ATRNL1: variants seen among roughly 807,000 people sequenced by gnomAD.
ATRNL1 encodes attractin-like protein 1.
Under a neutral mutation model 182.7 loss-of-function variants are expected in ATRNL1, and 95 were observed. The ratio of observed to expected loss-of-function variants is 0.52; its 90% CI spans 0.44 to 0.62. The LOEUF (loss-of-function observed/expected upper bound fraction) is 0.62, where lower values mean the gene tolerates loss of function less well. ATRNL1 is among the 20% of genes least tolerant of loss of function. ATRNL1 has a pLI of 0.00. For missense variants in ATRNL1, 1,471 were observed against 1,679.5 expected (o/e 0.88, Z 2.17); for synonymous variants, 576 against 568.3 (o/e 1.01, Z -0.19).
At chr10:115,151,367 A>G (rs1846219595) in intron 5 of ATRNL1, among the ~76,000 whole-genome samples, 1 of 152,130 alleles carries the variant, frequency 6.6e-6, no homozygotes, top group South Asian at 2.1e-4. Flanking sequence ...ATTTCTCCAC[A>G]TTCTCTCCAG....
intron 26 of ATRNL1, among the ~76,000 whole-genome samples, chr10:115,621,276 T>TATAG (rs1268020830): frequency 5.3e-3 from 251 of 47,524 alleles, no homozygotes; most frequent in African/African-American, 0.014. Flanking sequence ...TATATATATA[T>TATAG]AGAGAGAGAG....
intron 28 of ATRNL1, among the ~76,000 whole-genome samples, chr10:115,862,980 A>C (rs559165275): frequency 6.6e-6 from 1 of 152,334 alleles, no homozygotes; most frequent in South Asian, 2.1e-4. Flanking sequence ...TAAAGTAAGA[A>C]ATAGGGACTA....
intron 26 of ATRNL1, among the ~76,000 whole-genome samples, chr10:115,581,702 C>A (rs1855093612): frequency 1.3e-5 from 2 of 151,746 alleles, no homozygotes; most frequent in Admixed American, 6.6e-5. Flanking sequence ...GTCTTCCATT[C>A]TTACAAAGTT....
At chr10:115,583,457 A>G (rs28873814) in intron 26 of ATRNL1, among the ~76,000 whole-genome samples, 2 of 106,734 alleles carry the variant, frequency 1.9e-5, no homozygotes, top group African/African-American at 5.7e-5. Flanking sequence ...CCTTGAAGAG[A>G]TCCGTCACAT....
intron 26 of ATRNL1, among the ~76,000 whole-genome samples, chr10:115,558,053 A>C (rs533201644): frequency 5.7e-4 from 47 of 82,198 alleles, no homozygotes; most frequent in Non-Finnish European, 2.4e-4. Context: ...CAAAAACAAA[A>C]AAACAAAAAA....
intron 19 of ATRNL1, among the ~76,000 whole-genome samples, chr10:115,379,062 ACT>A (rs1331685347): frequency 2.0e-5 from 3 of 152,000 alleles, no homozygotes; most frequent in Middle Eastern, 3.4e-3. Flanking sequence ...TCTTTCAATA[ACT>A]TTTTTTGCAT....
At chr10:115,585,311 T>C (rs1247472970) in intron 26 of ATRNL1, among the ~76,000 whole-genome samples, 5,377 of 93,626 alleles carry the variant, frequency 0.057, 600 homozygotes, top group African/African-American at 0.19. Flanking sequence ...CCTTGTTGAC[T>C]TTCTGTCTCG....
At chr10:115,722,268 A>T (rs960280821) in intron 26 of ATRNL1, among the ~76,000 whole-genome samples, 1 of 152,200 alleles carries the variant, frequency 6.6e-6, no homozygotes, top group African/African-American at 2.4e-5. Context: ...CTAGAAAAAA[A>T]AATAACAACT....
intron 15 of ATRNL1, among the ~76,000 whole-genome samples, chr10:115,295,502 C>T (rs1446356340): frequency 3.3e-5 from 5 of 152,136 alleles, no homozygotes; most frequent in African/African-American, 1.2e-4. Context: ...TGTTTCTAGG[C>T]CCTGATTGCC....
At chr10:115,784,927 T>C (rs2134197466) in intron 27 of ATRNL1, among the ~76,000 whole-genome samples, 1 of 152,280 alleles carries the variant, frequency 6.6e-6, no homozygotes, top group South Asian at 2.1e-4. Flanking sequence ...GTACAGGGAC[T>C]CTCTGGTTCC....
At chr10:115,639,256 G>A (rs2133852273) in intron 26 of ATRNL1, among the ~76,000 whole-genome samples, 1 of 152,274 alleles carries the variant, frequency 6.6e-6, no homozygotes, top group Non-Finnish European at 1.5e-5. Context: ...AGTGCTATAA[G>A]AAAAGAACTT....
At chr10:115,854,617 T>G (rs2907585) in intron 28 of ATRNL1, among the ~76,000 whole-genome samples, 100,379 of 152,064 alleles carry the variant, frequency 0.66, 34,733 homozygotes, top group East Asian at 0.8. Context: ...CCCGTTCAGA[T>G]GTAAAGTGAG....
intron 26 of ATRNL1, among the ~76,000 whole-genome samples, chr10:115,598,287 AT>A (rs1270430121): frequency 6.6e-6 from 1 of 151,538 alleles, no homozygotes; most frequent in Non-Finnish European, 1.5e-5. Flanking sequence ...AAATTGATAA[AT>A]TGAGAAATTT....
intron 27 of ATRNL1, among the ~76,000 whole-genome samples, chr10:115,804,589 T>A (rs1284906296): frequency 6.6e-6 from 1 of 152,172 alleles, no homozygotes; most frequent in Admixed American, 6.6e-5. Flanking sequence ...CCTCTAAAAC[T>A]GTGAAAAATA....
intron 10 of ATRNL1, among the ~76,000 whole-genome samples, chr10:115,255,116 G>C (rs1260833443): frequency 6.6e-6 from 1 of 152,030 alleles, no homozygotes; most frequent in African/African-American, 2.4e-5. Context: ...TTGGCAATGC[G>C]GACTCTTTTT....
At chr10:115,152,519 C>A (rs1224847824) in intron 5 of ATRNL1, among the ~76,000 whole-genome samples, 33 of 152,108 alleles carry the variant, frequency 2.2e-4, no homozygotes, top group African/African-American at 6.8e-4. Context: ...CTGTGTTTGT[C>A]TATTATTGGT....
rs149907321 is a variant in ATRNL1 at position 115,093,410 on chromosome 10, C to T, written c.-341C>T. ...GAGGCGGGGCCGCGCGCGGGGTCCC[C>T]TCCTCCTGCCGGTCAGGTCCCCTCA... is the stretch of plus-strand genomic sequence containing the variant. On this transcript the variant is annotated 5_prime_UTR_variant, in exon 1 of 29. Transcript: ENST00000355044. This position sits in a 1 kb window ranked among gnomAD's most constrained non-coding sequence, Gnocchi z 6.1. The T allele has an allele frequency of 0.011, 3,028 of 274,210 alleles. 37 individuals carry two copies. Among genetic ancestry groups the T allele is most frequent in the Non-Finnish European group, 0.013 (1,868 of 146,366 alleles). 17.0% of individuals were successfully genotyped at this position (274,210 alleles called of 1,614,324 possible). A position where few individuals can be genotyped will look rare whatever the true frequency, so the allele number is the denominator to read the frequency against.
chr10:115,890,467 C>G (rs1448061486), intron 28 of ATRNL1, among the ~76,000 whole-genome samples: 1 of 152,150 alleles, frequency 6.6e-6, no homozygotes, highest in Non-Finnish European at 1.5e-5. Context: ...TATAAAAGGG[C>G]CTTTATGTGA....
chr10:115,369,120 T>C (rs530938251), intron 19 of ATRNL1, among the ~76,000 whole-genome samples: 1 of 152,272 alleles, frequency 6.6e-6, no homozygotes, highest in East Asian at 1.9e-4. Context: ...GGTTAATCCA[T>C]GTTGTTGTAA....
Sources: allele counts gnomAD v4.1 joint callset (sites outside exome capture counted in the v4.1 genomes callset), GRCh38; gene constraint gnomAD v4.1.1; non-coding constraint Gnocchi (gnomAD v3.1); transcripts MANE v1.5; gene names NCBI Gene and HGNC (gene_info 2026-07-23, HGNC 2026-07-21).